The following LDB2 variants were observed in gnomAD, a reference collection of about 807,000 sequenced individuals.
LDB2 encodes LIM domain-binding protein 2.
Under a neutral mutation model 44.3 loss-of-function variants are expected in LDB2, and 12 were observed. The ratio of observed to expected loss-of-function variants is 0.27; its 90% CI spans 0.17 to 0.44. LDB2 has a LOEUF of 0.44. LDB2 is among the 20% of genes least tolerant of loss of function. The pLI is 1.00. For synonymous variants in LDB2, 164 were observed against 174.8 expected (o/e 0.94, Z 0.49); for missense variants, 344 against 473.5 (o/e 0.73, Z 2.54).
At chr4:16,714,079 A>C (rs1269136659) in intron 2 of LDB2, among the ~76,000 whole-genome samples, 1 of 152,208 alleles carries the variant, frequency 6.6e-6, no homozygotes, top group African/African-American at 2.4e-5. Flanking sequence ...AAATAGCCAC[A>C]AAAAAGTCAT....
At chr4:16,519,499 C>T (rs1054124228) in intron 5 of LDB2, among the ~76,000 whole-genome samples, 1 of 151,876 alleles carries the variant, frequency 6.6e-6, no homozygotes, top group Admixed American at 6.6e-5. Flanking sequence ...TTCTAAGATA[C>T]CAAGTTCAAA....
intron 5 of LDB2, among the ~76,000 whole-genome samples, chr4:16,551,578 C>T (rs1395127159): frequency 2.0e-5 from 3 of 152,128 alleles, no homozygotes; most frequent in Admixed American, 6.5e-5. Context: ...AGTTCAATGG[C>T]GCGATCTCGG....
intron 1 of LDB2, among the ~76,000 whole-genome samples, chr4:16,854,504 TACACACACACACACAC>T (rs61445499): frequency 6.9e-6 from 1 of 145,214 alleles, no homozygotes; most frequent in African/African-American, 2.6e-5. Flanking sequence ...TAAATATAAA[TACACACACACACACAC>T]ACACACACAC....
At chr4:16,510,987 A>G (rs1721511819) in intron 6 of LDB2, among the ~76,000 whole-genome samples, 1 of 152,236 alleles carries the variant, frequency 6.6e-6, no homozygotes, top group African/African-American at 2.4e-5. Context: ...ATTTAAGCAC[A>G]TTTAATATAT....
intron 1 of LDB2, among the ~76,000 whole-genome samples, chr4:16,793,026 A>G (rs978543694): frequency 6.6e-6 from 1 of 152,164 alleles, no homozygotes; most frequent in Non-Finnish European, 1.5e-5. Context: ...CCTTGGTTGG[A>G]GTATATTGTA....
At chr4:16,827,170 G>C (rs906148016) in intron 1 of LDB2, among the ~76,000 whole-genome samples, 1 of 152,136 alleles carries the variant, frequency 6.6e-6, no homozygotes, top group Admixed American at 6.5e-5. Flanking sequence ...ATCACAAGTT[G>C]CGCTTCATGG....
chr4:16,877,654 A>ATGTGTG (rs1718831941), intron 1 of LDB2, among the ~76,000 whole-genome samples: 1 of 152,242 alleles, frequency 6.6e-6, no homozygotes, highest in East Asian at 1.9e-4. Context: ...ACACATACAT[A>ATGTGTG]TATCAGTAGA....
intron 1 of LDB2, among the ~76,000 whole-genome samples, chr4:16,764,955 A>G (rs934994117): frequency 2.6e-5 from 4 of 152,208 alleles, no homozygotes; most frequent in African/African-American, 9.6e-5. Context: ...TACTCCACAC[A>G]CATAATCATC....
At chr4:16,606,899 G>A (rs1313607643) in intron 2 of LDB2, among the ~76,000 whole-genome samples, 1 of 152,200 alleles carries the variant, frequency 6.6e-6, no homozygotes, top group Admixed American at 6.5e-5. Flanking sequence ...ATCTGGGTTA[G>A]AGAAATGTTG....
intron 3 of LDB2, among the ~76,000 whole-genome samples, chr4:16,595,306 A>C: frequency 6.6e-6 from 1 of 152,158 alleles, no homozygotes; most frequent in East Asian, 1.9e-4. Flanking sequence ...TTCAAATTTG[A>C]ATCCAGCTCT....
At chr4:16,733,156 G>A (rs544512693) in intron 2 of LDB2, among the ~76,000 whole-genome samples, 1 of 152,234 alleles carries the variant, frequency 6.6e-6, no homozygotes, top group African/African-American at 2.4e-5. Context: ...ACAAAATCAG[G>A]TGAGGCTGCC....
intron 1 of LDB2, among the ~76,000 whole-genome samples, chr4:16,844,135 T>C (rs1411878127): frequency 6.9e-6 from 1 of 145,144 alleles, no homozygotes. Context: ...CACACTCCTA[T>C]AGTCTCAGCT....
intron 2 of LDB2, among the ~76,000 whole-genome samples, chr4:16,743,641 C>T (rs6824977): frequency 0.033 from 4,965 of 152,070 alleles, 285 homozygotes; most frequent in African/African-American, 0.11. Flanking sequence ...GTAGAGGGGA[C>T]CCCCATGCCA....
At chr4:16,588,873 G>C (rs1276068709) in intron 3 of LDB2, 41 bp from the exon 4 acceptor site, 1 of 1,604,782 alleles carries the variant, frequency 6.2e-7, no homozygotes, top group Non-Finnish European at 8.5e-7. Context: ...TACGCACTTT[G>C]TGAAAGCCAC....
chr4:16,594,928 T>A (rs1220281240), intron 3 of LDB2, among the ~76,000 whole-genome samples: 1 of 152,220 alleles, frequency 6.6e-6, no homozygotes, highest in African/African-American at 2.4e-5. Context: ...TATTTGTTCT[T>A]ACTAATTTTC....
intron 2 of LDB2, among the ~76,000 whole-genome samples, chr4:16,672,514 T>C (rs1745055162): frequency 6.6e-6 from 1 of 152,192 alleles, no homozygotes; most frequent in Admixed American, 6.5e-5. Context: ...TACTTTCTTG[T>C]GTTCTAGTTT....
intron 1 of LDB2, among the ~76,000 whole-genome samples, chr4:16,765,082 C>G (rs553426990): frequency 6.6e-6 from 1 of 152,190 alleles, no homozygotes; most frequent in Non-Finnish European, 1.5e-5. Flanking sequence ...GTATAGCACA[C>G]GCTCTTAAAA....
At chr4:16,766,506 A>G (rs4065386) in intron 1 of LDB2, among the ~76,000 whole-genome samples, 7,563 of 64,470 alleles carry the variant, frequency 0.12, 578 homozygotes, top group African/African-American at 0.31. Flanking sequence ...GTGTGTGTGT[A>G]TATATTTTTT....
At chr4:16,788,359 C>G (rs1774945564) in intron 1 of LDB2, among the ~76,000 whole-genome samples, 1 of 152,200 alleles carries the variant, frequency 6.6e-6, no homozygotes, top group South Asian at 2.1e-4. Flanking sequence ...TCATCTGCAT[C>G]AAGCTTCCCC....
Sources: allele counts gnomAD v4.1 joint callset (sites outside exome capture counted in the v4.1 genomes callset), GRCh38; gene constraint gnomAD v4.1.1; transcripts MANE v1.5; gene names NCBI Gene and HGNC (gene_info 2026-07-23, HGNC 2026-07-21).